PLET1: variants seen among roughly 807,000 people sequenced by gnomAD.
PLET1 encodes placenta expressed transcript 1.
A neutral mutation model predicts 18.5 loss-of-function variants in PLET1; 20 were observed. The ratio of observed to expected loss-of-function variants is 1.08; its 90% CI spans 0.76 to 1.57. PLET1 has a LOEUF of 1.57. Among genes scored for constraint, PLET1 ranks in the 40% most tolerant of loss-of-function variants. The pLI, the probability that PLET1 is intolerant of heterozygous loss-of-function variation, is 0.00. For synonymous variants in PLET1, 93 were observed against 93.8 expected (o/e 0.99, Z 0.05); for missense variants, 256 against 246.4 (o/e 1.04, Z -0.26).
intron 1 of PLET1, among the ~76,000 whole-genome samples, chr11:112,256,021 G>A (rs764788973): frequency 6.6e-6 from 1 of 152,154 alleles, no homozygotes; most frequent in Admixed American, 6.5e-5. Context: ...GTGTGGGGAC[G>A]GAAGAGGCTG....
In PLET1 at chr11:112,260,452, G is replaced by A. The variant is rs1411517947; in HGVS notation, c.138C>T (p.Asp46=). The A allele has an allele frequency of 3.2e-6, 5 of 1,551,894 alleles. No individual in the cohort carries two copies. Among genetic ancestry groups the A allele is most frequent in the South Asian group, 1.2e-5 (1 of 84,066 alleles). The change falls in exon 1 of 4, where the codon GAC becomes GAT. Residue 46 remains aspartate, a synonymous_variant. Transcript: ENST00000338832. ...CGTAGATATGTGAACTGGCCTTGAT[G>A]TCTAGGGTTATGGTGTAGTATTCAT... ...TFDEYYTITL[D]IKASSHIYES...
chr11:112,248,821 A>G lies in PLET1; in HGVS notation c.602T>C (p.Leu201Pro). The G allele has an allele frequency of 6.4e-7, 1 of 1,551,652 alleles. No homozygotes were observed. Among genetic ancestry groups the G allele is most frequent in the Non-Finnish European group, 8.7e-7 (1 of 1,146,990 alleles). The change falls in exon 4 of 4, where the codon CTC (leucine) becomes CCC (proline). Residue 201 changes from leucine (L) to proline (P), a missense_variant. Physicochemically the swap from Leu to Pro is moderately conservative, Grantham distance 98. Coordinates refer to ENST00000338832, the MANE Select transcript of PLET1 (RefSeq NM_001145024.1). ...CCTTTAGAAGAGAAGTGTGCTGGTGAGAAAAGCAAGCAGGATATAAATGGC... is the reference window on the plus strand; with the variant it reads ...CCTTTAGAAGAGAAGTGTGCTGGTGGGAAAAGCAAGCAGGATATAAATGGC... Reference protein sequence around the residue: ...TEAIYILLAFLTSTLLF With the variant: ...TEAIYILLAFPTSTLLF
chr11:112,249,196 A>G (rs1860130656), intron 3 of PLET1, among the ~76,000 whole-genome samples: 2 of 152,024 alleles, frequency 1.3e-5, no homozygotes, highest in African/African-American at 2.4e-5. Context: ...TAAGGAAGAA[A>G]CACTTTCTAC....
At chr11:112,255,698 G>A in intron 1 of PLET1, 109 bp from the exon 2 acceptor site, 2 of 916,510 alleles carry the variant, frequency 2.2e-6, no homozygotes. Context: ...AAGTTACAAA[G>A]AATATGCACA....
chr11:112,260,565 G>A lies in PLET1; in HGVS notation c.25C>T (p.Leu9=). Residue 9 remains leucine (L), a synonymous_variant, in exon 1 of 4, where the codon CTG becomes TTG. Transcript: ENST00000338832. The part of the protein sequence containing the change: MAVFHDML[L]QPLGMFLCLS... Reference sequence around the variant, plus strand: ...CACAGAAACATCCCCAGTGGCTGCAGCAGCATGTCATGGAAGACTGCCATG... The same window carrying A: ...CACAGAAACATCCCCAGTGGCTGCAACAGCATGTCATGGAAGACTGCCATG... The A allele has an allele frequency of 1.9e-6, 3 of 1,551,480 alleles. No homozygotes were observed. Among genetic ancestry groups the A allele is most frequent in the Non-Finnish European group, 2.6e-6 (3 of 1,146,930 alleles).
At chr11:112,258,287 T>C (rs1039416334) in intron 1 of PLET1, among the ~76,000 whole-genome samples, 86 of 146,474 alleles carry the variant, frequency 5.9e-4, no homozygotes, top group African/African-American at 1.5e-3. Context: ...CTTTCTTTTT[T>C]TTTTTTTTTT....
chr11:112,259,854 A>G (rs1408318551), intron 1 of PLET1, among the ~76,000 whole-genome samples: 1 of 152,164 alleles, frequency 6.6e-6, no homozygotes, highest in Non-Finnish European at 1.5e-5. Context: ...CCTGGTCAAC[A>G]TGGAGAAGCC....
chr11:112,258,241 C>T (rs1860245507), intron 1 of PLET1, among the ~76,000 whole-genome samples: 1 of 151,414 alleles, frequency 6.6e-6, no homozygotes, highest in Admixed American at 6.6e-5. Context: ...TCCCATGTTT[C>T]CCCCTCCATA....
At chr11:112,250,220 CTTTTTTT>C (rs33963716) in intron 3 of PLET1, among the ~76,000 whole-genome samples, 1 of 49,860 alleles carries the variant, frequency 2.0e-5, no homozygotes, top group East Asian at 7.4e-4. Context: ...AGAAACAAAC[CTTTTTTT>C]TTTTTTTTTT....
intron 3 of PLET1, among the ~76,000 whole-genome samples, chr11:112,250,220 C>CTTTTTTTTT (rs33963716): frequency 6.2e-4 from 31 of 49,852 alleles, no homozygotes; most frequent in African/African-American, 1.1e-3. Flanking sequence ...AGAAACAAAC[C>CTTTTTTTTT]TTTTTTTTTT....
intron 1 of PLET1, among the ~76,000 whole-genome samples, chr11:112,256,644 T>C (rs1860227428): frequency 1.3e-5 from 2 of 152,170 alleles, no homozygotes; most frequent in Admixed American, 1.3e-4. Flanking sequence ...TTTTAATACA[T>C]GGGGAGTACT....
intron 1 of PLET1, 45 bp from the exon 2 acceptor site, chr11:112,255,634 G>A (rs1386229241): frequency 6.6e-7 from 1 of 1,505,204 alleles, no homozygotes; most frequent in Non-Finnish European, 9.0e-7. Context: ...TGTTCCCTCT[G>A]AGCCAAGCTC....
chr11:112,254,190 G>GTGTGT (rs144110459), intron 2 of PLET1, among the ~76,000 whole-genome samples: 3 of 141,270 alleles, frequency 2.1e-5, no homozygotes, highest in East Asian at 4.3e-4. Context: ...GAGCATAAGT[G>GTGTGT]GTGTGTGTGT....
chr11:112,254,722 GTGTGTGTGTGGTGTGTGTGTGC>G (rs1860197900), intron 2 of PLET1, among the ~76,000 whole-genome samples: 2 of 128,238 alleles, frequency 1.6e-5, no homozygotes, highest in African/African-American at 3.1e-5. Context: ...TGTGTTGTGA[GTGTGTGTGTGGTGTGTGTGTGC>G]TGTGTGTGTG....
At chr11:112,249,385 T>C (rs986676363) in intron 3 of PLET1, among the ~76,000 whole-genome samples, 18 of 152,166 alleles carry the variant, frequency 1.2e-4, no homozygotes, top group African/African-American at 3.4e-4. Flanking sequence ...CTTGTGAATT[T>C]CAAGGGCTTG....
intron 1 of PLET1, among the ~76,000 whole-genome samples, chr11:112,260,031 C>G (rs1005088259): frequency 3.9e-5 from 6 of 152,146 alleles, no homozygotes; most frequent in African/African-American, 1.4e-4. Flanking sequence ...AAGTGAGACT[C>G]TGTCTCCAGA....
At chr11:112,252,463 C>T in intron 2 of PLET1, 54 bp from the exon 3 acceptor site, 2 of 1,478,736 alleles carry the variant, frequency 1.4e-6, no homozygotes, top group Non-Finnish European at 1.8e-6. Context: ...GCGGAATTCA[C>T]AAGTTCAGCT....
chr11:112,250,317 C>T (rs1158135400), intron 3 of PLET1, among the ~76,000 whole-genome samples: 2 of 129,574 alleles, frequency 1.5e-5, no homozygotes, highest in Non-Finnish European at 3.1e-5. Flanking sequence ...AAGTCAACTA[C>T]ATCTTGCAAC....
At chr11:112,253,654 G>A (rs1204216148) in intron 2 of PLET1, among the ~76,000 whole-genome samples, 4 of 152,238 alleles carry the variant, frequency 2.6e-5, no homozygotes, top group Admixed American at 2.6e-4. Context: ...AGCAACTGCT[G>A]TCATTGGGAA....
Sources: gnomAD v4.1 joint callset for allele counts (sites outside exome capture counted in the v4.1 genomes callset) on GRCh38, gnomAD v4.1.1 for gene constraint, MANE v1.5 for transcripts, NCBI Gene and HGNC (gene_info 2026-07-23, HGNC 2026-07-21) for gene names.